ATP5F1C: variants seen among roughly 807,000 people sequenced by gnomAD.
ATP5F1C encodes the protein ATP synthase F(1) complex subunit gamma, mitochondrial.
A neutral mutation model predicts 37.4 loss-of-function variants in ATP5F1C; 22 were observed. The ratio of observed to expected loss-of-function variants is 0.59; its 90% CI spans 0.42 to 0.84. ATP5F1C has a LOEUF of 0.84. Ranked by LOEUF, ATP5F1C falls within the 40% of genes least tolerant of loss-of-function variation. ATP5F1C has a pLI of 0.00. For missense variants in ATP5F1C, 286 were observed against 362.4 expected (o/e 0.79, Z 1.71); for synonymous variants, 121 against 128.0 (o/e 0.95, Z 0.37).
chr10:7,804,463 G>A (rs981940098), intron 8 of ATP5F1C, among the ~76,000 whole-genome samples: 2 of 152,148 alleles, frequency 1.3e-5, no homozygotes, highest in African/African-American at 2.4e-5. Flanking sequence ...GGCATGTGCT[G>A]CAGCCTGAAA....
chr10:7,805,011 C>T (rs1244434), intron 8 of ATP5F1C, among the ~76,000 whole-genome samples: 64,259 of 152,064 alleles, frequency 0.42, 13,724 homozygotes, highest in South Asian at 0.55. Context: ...CCATCAGCCT[C>T]GCTATCCTAA....
intron 8 of ATP5F1C, chr10:7,804,206 G>A: frequency 1.9e-6 from 1 of 518,774 alleles, no homozygotes; most frequent in Non-Finnish European, 3.8e-6. Flanking sequence ...TACTTGCTGT[G>A]TGGCCCTTCA....
chr10:7,800,426 A>T (rs1244426), intron 6 of ATP5F1C, among the ~76,000 whole-genome samples: 52,537 of 150,218 alleles, frequency 0.35, 9,134 homozygotes, highest in South Asian at 0.44. Context: ...CAATCTCCTG[A>T]CCTCGTGATC....
At chr10:7,799,294 A>G in intron 4 of ATP5F1C, 100 bp downstream of exon 4, 1 of 1,149,608 alleles carries the variant, frequency 8.7e-7, no homozygotes, top group Non-Finnish European at 1.3e-6. Flanking sequence ...ATCAATAACA[A>G]GGTATATTCT....
chr10:7,802,455 G>A, intron 7 of ATP5F1C, 30 bp downstream of exon 7: 1 of 1,589,026 alleles, frequency 6.3e-7, no homozygotes, highest in East Asian at 2.2e-5. Flanking sequence ...AGTGCCAGCA[G>A]GAGTGCTTGT....
intron 1 of ATP5F1C, among the ~76,000 whole-genome samples, chr10:7,790,382 A>G (rs185407426): frequency 6.6e-6 from 1 of 152,344 alleles, no homozygotes; most frequent in Admixed American, 6.5e-5. Flanking sequence ...AACGTTTTGA[A>G]AATTAAACCT....
intron 6 of ATP5F1C, among the ~76,000 whole-genome samples, chr10:7,800,561 C>T (rs1172803086): frequency 6.7e-6 from 1 of 148,786 alleles, no homozygotes; most frequent in Non-Finnish European, 1.5e-5. Context: ...ATGGCATGAT[C>T]TCGGCTCACT....
intron 1 of ATP5F1C, among the ~76,000 whole-genome samples, chr10:7,794,164 C>T (rs1564330752): frequency 6.6e-6 from 1 of 152,168 alleles, no homozygotes; most frequent in Non-Finnish European, 1.5e-5. Flanking sequence ...CTTCATACTC[C>T]AGTAGTTCAG....
intron 1 of ATP5F1C, among the ~76,000 whole-genome samples, chr10:7,790,250 G>C (rs1300889004): frequency 6.6e-6 from 1 of 152,160 alleles, no homozygotes; most frequent in African/African-American, 2.4e-5. Flanking sequence ...GTTTTTTAAA[G>C]TACAATTTGT....
intron 1 of ATP5F1C, among the ~76,000 whole-genome samples, chr10:7,790,793 C>G (rs1179523170): frequency 1.3e-5 from 2 of 152,200 alleles, no homozygotes; most frequent in Non-Finnish European, 2.9e-5. Context: ...TCTGTCCCAC[C>G]AGTTCCTCAT....
chr10:7,802,490 G>A, intron 7 of ATP5F1C, 65 bp downstream of exon 7: 1 of 1,546,624 alleles, frequency 6.5e-7, no homozygotes, highest in Admixed American at 2.1e-5. Flanking sequence ...TCTCAGCTGA[G>A]AGGAGTCCGT....
At chr10:7,788,497 T>C (rs1836093666) in intron 1 of ATP5F1C, among the ~76,000 whole-genome samples, 1 of 152,084 alleles carries the variant, frequency 6.6e-6, no homozygotes, top group Admixed American at 6.5e-5. Context: ...TTCCCTGAGG[T>C]CGGAGGGCCA....
chr10:7,791,058 T>A (rs889576518), intron 1 of ATP5F1C, among the ~76,000 whole-genome samples: 5 of 152,114 alleles, frequency 3.3e-5, no homozygotes, highest in African/African-American at 1.2e-4. Context: ...TCCCAGCATT[T>A]TGAGAGGCCG....
rs1446075725 is a variant in ATP5F1C, at chr10:7,788,197, C to A, written c.-11C>A. The A allele has an allele frequency of 6.2e-7, 1 of 1,613,140 alleles. No homozygotes were observed. Among genetic ancestry groups the A allele is most frequent in the Admixed American group, 1.7e-5 (1 of 60,018 alleles). ...CCTGCCTGACCGACCTTCAGCAGGG[C>A]TGTGGCTACCATGTTCTCTCGCGCG... On this transcript the variant is annotated 5_prime_UTR_variant, in exon 1 of 10. It adds an upstream start codon to the 5' untranslated region. Transcript: ENST00000356708.
chr10:7,799,649 C>A, intron 4 of ATP5F1C, 123 bp from the exon 5 acceptor site: 1 of 1,116,178 alleles, frequency 9.0e-7, no homozygotes. Context: ...CTCAGGAAAT[C>A]ACCACCACCC....
intron 1 of ATP5F1C, among the ~76,000 whole-genome samples, chr10:7,794,965 A>G (rs1836215443): frequency 6.6e-6 from 1 of 152,168 alleles, no homozygotes; most frequent in African/African-American, 2.4e-5. Flanking sequence ...GTCTCTCCTG[A>G]GGCTGTGGCA....
intron 1 of ATP5F1C, among the ~76,000 whole-genome samples, chr10:7,789,870 A>T (rs1235578145): frequency 6.6e-6 from 1 of 152,216 alleles, no homozygotes; most frequent in Non-Finnish European, 1.5e-5. Flanking sequence ...TTAGTGAAGG[A>T]TTGTTTTAAA....
intron 1 of ATP5F1C, 89 bp from the exon 2 acceptor site, chr10:7,796,032 T>C: frequency 1.0e-6 from 1 of 992,486 alleles, no homozygotes; most frequent in East Asian, 2.7e-5. Flanking sequence ...GGGTATTCTT[T>C]AAATAAATAT....
In ATP5F1C at chr10:7,799,040, C is replaced by G; in HGVS notation, c.274C>G (p.Leu92Val). 6.2e-7 allele frequency: 1 copy of G among 1,612,618 alleles called. No individual in the cohort carries two copies. Among genetic ancestry groups the G allele is most frequent in the African/African-American group, 1.3e-5 (1 of 75,020 alleles). Residue 92 changes from leucine (L) to valine (V), a missense_variant, in exon 4 of 10, where the codon CTC becomes GTC. Transcript: ENST00000356708. ...IKGPEDKKKH[L>V]LIGVSSDRGL... Reference sequence around the variant, plus strand: ...GGGGCCTGAAGACAAGAAGAAACACCTCCTTATTGGTGTGTCCTCAGATCG... The same window carrying G: ...GGGGCCTGAAGACAAGAAGAAACACGTCCTTATTGGTGTGTCCTCAGATCG...
Sources: allele counts gnomAD v4.1 joint callset (sites outside exome capture counted in the v4.1 genomes callset), GRCh38; gene constraint gnomAD v4.1.1; transcripts MANE v1.5; gene names NCBI Gene and HGNC (gene_info 2026-07-23, HGNC 2026-07-21).